The following ATP5MJ variants were observed in gnomAD, a reference collection of about 807,000 sequenced individuals.
ATP5MJ encodes the protein ATP synthase membrane subunit j, also known as ATP synthase F(0) complex subunit j, mitochondrial.
Under a neutral mutation model 8.3 loss-of-function variants are expected in ATP5MJ, and 4 were observed. That is an observed-to-expected ratio of 0.48 (90% CI 0.24 to 1.11). The LOEUF is 1.11. Ranked by LOEUF, ATP5MJ falls within the 50% of genes least tolerant of loss-of-function variation. The probability of loss-of-function intolerance (pLI) is 0.18; values close to 1 mark genes in which losing one functional copy is unlikely to be tolerated. For missense variants in ATP5MJ, 66 were observed against 71.8 expected, an observed-to-expected ratio of 0.92 and a Z score of 0.29; for synonymous variants, 23 against 21.3, an observed-to-expected ratio of 1.08 and a Z score of -0.23.
intron 3 of ATP5MJ, 110 bp from the exon 4 acceptor site, chr14:103,912,804 A>C: frequency 2.8e-6 from 3 of 1,053,370 alleles, no homozygotes; most frequent in Non-Finnish European, 4.4e-6. Context: ...AAAAAGATAA[A>C]TGACACCTTT....
At position 103,912,708 on chromosome 14, in the gene ATP5MJ, T is replaced by C; in HGVS notation, c.149-14A>G. 1 of 1,612,582 alleles carries C rather than the reference T, an allele frequency of 6.2e-7. No individual in the cohort carries two copies. The highest frequency in any genetic ancestry group is 8.5e-7 in the Non-Finnish European group (1 of 1,178,650). On this transcript the variant is annotated splice_polypyrimidine_tract_variant and intron_variant, in intron 3 of 3. Transcript: ENST00000286953. ...CAGGCGCTGAAGCTTTTGAAAGAGA[T>C]GCATATATAAATATGATTTAAGAAG...
intron 1 of ATP5MJ, among the ~76,000 whole-genome samples, chr14:103,920,686 G>A (rs1230976943): frequency 6.6e-6 from 1 of 150,592 alleles, no homozygotes; most frequent in Non-Finnish European, 1.5e-5. Context: ...TGGTAAGGAT[G>A]GTCTCGATCT....
intron 1 of ATP5MJ, chr14:103,920,857 T>C: frequency 4.1e-6 from 4 of 984,544 alleles, no homozygotes; most frequent in Non-Finnish European, 6.4e-6. Context: ...AAAATCCATC[T>C]TATTCATAGG....
At chr14:103,917,917 A>G (rs1052814322) in intron 1 of ATP5MJ, 1 of 152,236 alleles carries the variant, frequency 6.6e-6, no homozygotes, top group Admixed American at 6.6e-5. Flanking sequence ...GATGACGAGA[A>G]CCTACCTCCA....
intron 1 of ATP5MJ, among the ~76,000 whole-genome samples, chr14:103,920,775 C>T (rs891198469): frequency 1.1e-4 from 17 of 152,184 alleles, no homozygotes; most frequent in Non-Finnish European, 2.1e-4. Context: ...CGGCCGGCCC[C>T]TTTCTTGAGT....
intron 1 of ATP5MJ, among the ~76,000 whole-genome samples, chr14:103,916,169 G>A (rs746080827): frequency 2.6e-5 from 4 of 152,112 alleles, no homozygotes; most frequent in African/African-American, 7.2e-5. Context: ...AATTAAGATA[G>A]AACTTATTTA....
chr14:103,912,564 T>C lies in ATP5MJ; in HGVS notation c.*102A>G. 8.4e-7 allele frequency: 1 copy of C among 1,187,162 alleles called. No individual in the cohort carries two copies. The highest frequency in any genetic ancestry group is 1.2e-6 in the Non-Finnish European group (1 of 803,152). 73.5% of individuals were successfully genotyped at this position (1,187,162 alleles called of 1,614,324 possible). ...CATGCCATGAAGTAAACGGTACTTA[T>C]ACAAGTGTACAGTGACGTTCCACGC... On this transcript the variant is annotated 3_prime_UTR_variant, in exon 4 of 4. Coordinates refer to ENST00000286953, the MANE Select transcript of ATP5MJ (RefSeq NM_004894.3).
At chr14:103,918,254 T>C (rs547157350) in intron 1 of ATP5MJ, 1 of 152,408 alleles carries the variant, frequency 6.6e-6, no homozygotes, top group African/African-American at 2.4e-5. Flanking sequence ...GGAAGCATTC[T>C]ACAGGACCGA....
At chr14:103,916,891 C>G (rs2087630152) in intron 1 of ATP5MJ, among the ~76,000 whole-genome samples, 1 of 152,184 alleles carries the variant, frequency 6.6e-6, no homozygotes, top group Admixed American at 6.5e-5. Context: ...CTTTCCCACA[C>G]TGCGCAGCTG....
intron 1 of ATP5MJ, among the ~76,000 whole-genome samples, chr14:103,920,309 T>A (rs1377490247): frequency 1.3e-5 from 2 of 148,582 alleles, no homozygotes; most frequent in Non-Finnish European, 3.0e-5. Context: ...ATTTTTTGTA[T>A]TTTTGGTAAA....
rs1401779093 is a variant in ATP5MJ at position 103,921,482 on chromosome 14, C to G, written c.-13G>C. On this transcript the variant is annotated 5_prime_UTR_variant, in exon 1 of 4. Transcript: ENST00000286953. ...TCCCCGTACTCACCTTGGCGCAGGA[C>G]AGACGGCTCAGAACGCACCACAAAT... 5.5e-6 allele frequency: 1 copy of G among 182,508 alleles called. No individual in the cohort carries two copies. Among genetic ancestry groups the G allele is most frequent in the Non-Finnish European group, 1.2e-5 (1 of 84,728 alleles). 11.3% of individuals were successfully genotyped at this position (182,508 alleles called of 1,614,324 possible). A position where few individuals can be genotyped will look rare whatever the true frequency, so the allele number is the denominator to read the frequency against.
At chr14:103,914,849 A>AAAAAAAAAAAAAAG (rs1428791290) in intron 2 of ATP5MJ, 4 of 365,018 alleles carry the variant, frequency 1.1e-5, no homozygotes, top group South Asian at 4.3e-5. Flanking sequence ...AAAAAAAAAA[A>AAAAAAAAAAAAAAG]AAAAAAAAGA....
chr14:103,912,667 T>C lies in ATP5MJ; in HGVS notation c.176A>G (p.Ter59=). 1 of 1,613,984 alleles carries C rather than the reference T, an allele frequency of 6.2e-7. No homozygotes were observed. The highest frequency in any genetic ancestry group is 8.5e-7 in the Non-Finnish European group (1 of 1,179,890). The change falls in exon 4 of 4, where the codon TAA becomes TGA. Residue 59 remains the stop codon, a stop_retained_variant. Coordinates refer to ENST00000286953, the MANE Select transcript of ATP5MJ (RefSeq NM_004894.3). ...KASAPAPGHH[*] ...CACATGTACTCCAAGTAAATCTGGT[T>C]AGTGATGACCAGGAGCAGGCGCTGA... is the stretch of plus-strand genomic sequence containing the variant.
chr14:103,914,867 A>AT, intron 2 of ATP5MJ, 199 bp downstream of exon 2: 2 of 536,264 alleles, frequency 3.7e-6, no homozygotes, highest in Non-Finnish European at 6.0e-6. Context: ...AGAAAAGAAA[A>AT]GAAAAAAAAA....
chr14:103,914,664 T>C, intron 2 of ATP5MJ: 1 of 581,548 alleles, frequency 1.7e-6, no homozygotes, highest in Non-Finnish European at 3.1e-6. Context: ...AAAAAAAAAT[T>C]AGCTAGGTGT....
In ATP5MJ at chr14:103,921,027, C is replaced by T. The variant is rs766010967; in HGVS notation, c.-1+443G>A. The T allele has an allele frequency of 3.1e-5, 48 of 1,551,508 alleles. No individual in the cohort carries two copies. In the Admixed American group the frequency reaches 6.7e-4, roughly 22 times the overall value. ...TGATCTCTTTTCAGCTTCCCTGTTG[C>T]CTCACCCAAGTTGTCATGTACAGCA... On this transcript the variant is annotated intron_variant, in intron 1 of 3. Coordinates refer to ENST00000286953, the MANE Select transcript of ATP5MJ (RefSeq NM_004894.3).
At chr14:103,914,618 T>C (rs2087608071) in intron 2 of ATP5MJ, 1 of 606,320 alleles carries the variant, frequency 1.6e-6, no homozygotes, top group Non-Finnish European at 2.9e-6. Flanking sequence ...CTGGGTAACA[T>C]GGCAAAACCC....
At chr14:103,916,736 ACT>A (rs1004691662) in intron 1 of ATP5MJ, among the ~76,000 whole-genome samples, 15 of 152,042 alleles carry the variant, frequency 9.9e-5, no homozygotes, top group African/African-American at 3.1e-4. Flanking sequence ...ACAAAGTGAG[ACT>A]CTGTCTCAAA....
chr14:103,914,858 G>GAAAAAAAAAAAAAAAAAAAAAAAA (rs1314714313), intron 2 of ATP5MJ: 1 of 310,376 alleles, frequency 3.2e-6, no homozygotes, highest in Non-Finnish European at 5.3e-6. Flanking sequence ...AAAAAAAAAA[G>GAAAAAAAAAAAAAAAAAAAAAAAA]AAAAGAAAAG....
Sources: gnomAD v4.1 joint callset for allele counts (sites outside exome capture counted in the v4.1 genomes callset) on GRCh38, gnomAD v4.1.1 for gene constraint, MANE v1.5 for transcripts, NCBI Gene and HGNC (gene_info 2026-07-23, HGNC 2026-07-21) for gene names.